The following SLC6A17 variants were observed in gnomAD, a reference collection of about 807,000 sequenced individuals.
SLC6A17 encodes the protein solute carrier family 6 member 17.
In SLC6A17, 21 loss-of-function variants were observed where a neutral mutation model predicts 64.5. The observed-to-expected ratio is 0.33, with a 90% CI of 0.23 to 0.47. The LOEUF is 0.47. Among genes scored for constraint, SLC6A17 ranks in the 20% least tolerant of loss-of-function variants. The pLI, the probability that SLC6A17 is intolerant of heterozygous loss-of-function variation, is 1.00. For synonymous variants in SLC6A17, 372 were observed against 399.5 expected, an observed-to-expected ratio of 0.93 and a Z score of 0.82; for missense variants, 682 against 963.2, an observed-to-expected ratio of 0.71 and a Z score of 3.86.
At chr1:110,156,773 T>G (rs554421458) in intron 1 of SLC6A17, among the ~76,000 whole-genome samples, 1 of 152,286 alleles carries the variant, frequency 6.6e-6, no homozygotes, top group Non-Finnish European at 1.5e-5. Flanking sequence ...ACACAAACCC[T>G]TCTCATTTTC....
At chr1:110,169,603 G>A (rs916921748) in intron 2 of SLC6A17, among the ~76,000 whole-genome samples, 1 of 151,956 alleles carries the variant, frequency 6.6e-6, no homozygotes, top group Non-Finnish European at 1.5e-5. Flanking sequence ...CAGAAGTAAG[G>A]CTTAGAATAC....
intron 1 of SLC6A17, among the ~76,000 whole-genome samples, chr1:110,153,892 A>G (rs1216051367): frequency 6.6e-6 from 1 of 151,980 alleles, no homozygotes; most frequent in Admixed American, 6.5e-5. Flanking sequence ...GATGGGGGAA[A>G]AAAAACCTGT....
At chr1:110,176,323 A>G (rs1488598583) in intron 5 of SLC6A17, among the ~76,000 whole-genome samples, 2 of 152,050 alleles carry the variant, frequency 1.3e-5, no homozygotes, top group Non-Finnish European at 2.9e-5. Flanking sequence ...AGGGGACAGC[A>G]AAGGACTCCC....
At position 110,174,546 on chromosome 1, in the gene SLC6A17, A is replaced by G. The variant is rs183424078; in HGVS notation, c.572-233A>G. 1.8e-3 allele frequency among the ~76,000 whole-genome samples: 272 copies of G among 152,262 alleles called. 1 individual carries two copies. The South Asian group carries it at 0.022, about 12-fold the overall frequency. On this transcript the variant is annotated intron_variant, in intron 4 of 11. Coordinates refer to ENST00000331565, the MANE Select transcript of SLC6A17 (RefSeq NM_001010898.4). ...TAGAGAGACATGGGCAGCAGGAGGC[A>G]TGGGTGGGAATCAGCCAGGCTGGTG...
At chr1:110,177,491 G>A (rs1656405828) in intron 6 of SLC6A17, among the ~76,000 whole-genome samples, 1 of 152,166 alleles carries the variant, frequency 6.6e-6, no homozygotes, top group Non-Finnish European at 1.5e-5. Flanking sequence ...AGACCACTGG[G>A]CACAACTGGC....
chr1:110,159,169 G>C (rs1655834862), intron 1 of SLC6A17, among the ~76,000 whole-genome samples: 1 of 152,164 alleles, frequency 6.6e-6, no homozygotes, highest in Non-Finnish European at 1.5e-5. Flanking sequence ...CCTATGTGCT[G>C]TGTTGTCATT....
chr1:110,159,758 G>C (rs1259057878), intron 1 of SLC6A17, among the ~76,000 whole-genome samples: 3 of 152,194 alleles, frequency 2.0e-5, no homozygotes, highest in Non-Finnish European at 4.4e-5. Context: ...GTCACTTGGG[G>C]CATCCTTGGG....
Position 110,198,543 on chromosome 1 carries a change from G to C in SLC6A17, c.*99G>C. The C allele has an allele frequency of 1.3e-6, 2 of 1,508,074 alleles. No homozygotes were observed. Among genetic ancestry groups the C allele is most frequent in the Non-Finnish European group, 1.8e-6 (2 of 1,135,228 alleles). The allele number at this position is 1,508,074 out of a possible 1,614,324, so 93.4% of individuals were successfully genotyped here. On this transcript the variant is annotated 3_prime_UTR_variant, in exon 12 of 12. Transcript: ENST00000331565. ...GAGGTGGCCACCAGGCCCAGGCCAG[G>C]CCCTTTGCCCAAGAAGAGAGGGTCT...
At position 110,198,462 on chromosome 1, in the gene SLC6A17, C is replaced by T. The variant is rs1306892374; in HGVS notation, c.*18C>T. 6.3e-7 allele frequency: 1 copy of T among 1,583,092 alleles called. No homozygotes were observed. The highest frequency in any genetic ancestry group is 1.2e-5 in the South Asian group (1 of 85,814). ...AGCTGTGACCACTGCCCAAGCCCTGCCCGCCTCTCCCCCCACGCTCAACCT... is the reference window on the plus strand; with the variant it reads ...AGCTGTGACCACTGCCCAAGCCCTGTCCGCCTCTCCCCCCACGCTCAACCT... On this transcript the variant is annotated 3_prime_UTR_variant, in exon 12 of 12. Transcript: ENST00000331565.
In SLC6A17 at chr1:110,192,942, G is replaced by A. The variant is rs973884423; in HGVS notation, c.1299+244G>A. 1.3e-5 allele frequency among the ~76,000 whole-genome samples: 2 copies of A among 152,250 alleles called. No individual in the cohort carries two copies. The highest frequency in any genetic ancestry group is 4.1e-4 in the South Asian group (2 of 4,830). Reference sequence around the variant, plus strand: ...AGACACACACCTCTCAGAAGTCACAGTAAGTGTATGGGACGATGTTTCCAT... The same window carrying A: ...AGACACACACCTCTCAGAAGTCACAATAAGTGTATGGGACGATGTTTCCAT... On this transcript the variant is annotated intron_variant, in intron 8 of 11. Coordinates refer to ENST00000331565, the MANE Select transcript of SLC6A17 (RefSeq NM_001010898.4). The surrounding 1 kb of genome is among the most constrained non-coding windows in gnomAD (Gnocchi z 4.3).
chr1:110,179,233 C>A (rs189277695), intron 6 of SLC6A17, among the ~76,000 whole-genome samples: 1 of 152,220 alleles, frequency 6.6e-6, no homozygotes, highest in Non-Finnish European at 1.5e-5. Flanking sequence ...AATAATGTTA[C>A]AATAAACACT....
At chr1:110,151,516 C>T (rs769248562) in intron 1 of SLC6A17, among the ~76,000 whole-genome samples, 3 of 152,202 alleles carry the variant, frequency 2.0e-5, no homozygotes, top group Non-Finnish European at 4.4e-5. Flanking sequence ...CGTGTGGTGC[C>T]CATCTGGAGG....
chr1:110,195,967 G>C (rs1483838980), intron 10 of SLC6A17, among the ~76,000 whole-genome samples: 1 of 152,202 alleles, frequency 6.6e-6, no homozygotes, highest in African/African-American at 2.4e-5. Context: ...GCAGGTCCTG[G>C]CATCATCCTT....
In SLC6A17 at chr1:110,192,460, G is replaced by T. The variant is rs199915158; in HGVS notation, c.1107-46G>T. The T allele has an allele frequency of 2.7e-5, 42 of 1,569,158 alleles. No individual in the cohort carries two copies. In the African/African-American group the frequency reaches 5.4e-4, roughly 20 times the overall value. ...AAGAGCCTCCAGGATCTCACCCATT[G>T]CCCACCCCTGCCTTCTTACCTGGTC... On this transcript the variant is annotated intron_variant, in intron 7 of 11. Coordinates refer to ENST00000331565, the MANE Select transcript of SLC6A17 (RefSeq NM_001010898.4). The surrounding 1 kb of genome is among the most constrained non-coding windows in gnomAD (Gnocchi z 4.3).
At chr1:110,175,488 A>T (rs80144838) in intron 5 of SLC6A17, among the ~76,000 whole-genome samples, 2 of 152,212 alleles carry the variant, frequency 1.3e-5, no homozygotes, top group African/African-American at 2.4e-5. Flanking sequence ...CCAGCATTTC[A>T]GATCCCCTTT....
rs80144838 is a variant in SLC6A17, at chr1:110,175,488, A to G, written c.753+528A>G. Among the ~76,000 whole-genome samples the G allele has an allele frequency of 5.1e-3, 777 of 152,320 alleles. 11 individuals are homozygous for G. Among genetic ancestry groups the G allele is most frequent in the African/African-American group, 0.018 (731 of 41,566 alleles). On this transcript the variant is annotated intron_variant, in intron 5 of 11. Coordinates refer to ENST00000331565, the MANE Select transcript of SLC6A17 (RefSeq NM_001010898.4). ...GCCCCACACCTCTTCCCAGCATTTCAGATCCCCTTTAAATAAGGGCCCTTT... is the reference window on the plus strand; with the variant it reads ...GCCCCACACCTCTTCCCAGCATTTCGGATCCCCTTTAAATAAGGGCCCTTT...
At chr1:110,194,054 A>T (rs1247882471) in intron 8 of SLC6A17, among the ~76,000 whole-genome samples, 1 of 151,616 alleles carries the variant, frequency 6.6e-6, no homozygotes, top group East Asian at 1.9e-4. Context: ...TGTTTGTTTT[A>T]AAAAAAAACT....
chr1:110,177,344 G>A (rs539490016), intron 6 of SLC6A17, among the ~76,000 whole-genome samples: 3 of 152,092 alleles, frequency 2.0e-5, no homozygotes, highest in Admixed American at 6.5e-5. Flanking sequence ...TCAATAGCCC[G>A]GGGAGCAAGA....
At chr1:110,191,053 G>A (rs1010979462) in intron 6 of SLC6A17, among the ~76,000 whole-genome samples, 6 of 152,154 alleles carry the variant, frequency 3.9e-5, no homozygotes, top group African/African-American at 9.7e-5. Flanking sequence ...GTGCCACTAC[G>A]TACAGGCATT....
Sources: allele counts gnomAD v4.1 joint callset (sites outside exome capture counted in the v4.1 genomes callset), GRCh38; gene constraint gnomAD v4.1.1; non-coding constraint Gnocchi (gnomAD v3.1); transcripts MANE v1.5; gene names NCBI Gene and HGNC (gene_info 2026-07-23, HGNC 2026-07-21).